Variants in COL12A1 observed in about 807,000 individuals in gnomAD.
COL12A1 encodes collagen alpha-1(XII) chain.
In COL12A1, 114 loss-of-function variants were observed where a neutral mutation model predicts 349.7. That is an observed-to-expected ratio of 0.33 (90% confidence interval 0.28 to 0.38). COL12A1 has a LOEUF of 0.38. COL12A1 is among the 10% of genes least tolerant of loss of function. COL12A1 has a pLI of 1.00. For missense variants in COL12A1, 3,284 were observed against 3,756.9 expected, an observed-to-expected ratio of 0.87 and a Z score of 3.29; for synonymous variants, 1,369 against 1,329.0, an observed-to-expected ratio of 1.03 and a Z score of -0.66.
At chr6:75,135,427 G>T (rs1766554806) in intron 31 of COL12A1, among the ~76,000 whole-genome samples, 1 of 152,176 alleles carries the variant, frequency 6.6e-6, no homozygotes, top group Non-Finnish European at 1.5e-5. Flanking sequence ...GGGGTTTCCA[G>T]TTGTCTCCAT....
chr6:75,191,859 T>A, intron 4 of COL12A1, 99 bp from the exon 5 acceptor site: 2 of 678,270 alleles, frequency 2.9e-6, no homozygotes, highest in Non-Finnish European at 4.4e-6. Context: ...TTATTGTCTC[T>A]TAAATGTATG....
At chr6:75,160,505 G>A (rs1266941066) in intron 14 of COL12A1, among the ~76,000 whole-genome samples, 3 of 152,168 alleles carry the variant, frequency 2.0e-5, no homozygotes, top group African/African-American at 7.2e-5. Context: ...ATCTCACTCA[G>A]ATTTCTGAAA....
Position 75,124,473 on chromosome 6 carries a change from A to T in COL12A1, c.6608-102T>A. ...CAAACTTTCACTGTGGCTAAAAAAA[A>T]GTTCAAAATTGTATTATGTTTCCTT... is the stretch of plus-strand genomic sequence containing the variant. On this transcript the variant is annotated intron_variant, in intron 40 of 65. Transcript: ENST00000322507. 4.8e-6 allele frequency: 4 copies of T among 829,064 alleles called. No homozygotes were observed. In the South Asian group the frequency reaches 8.0e-5, roughly 17 times the overall value. 51.4% of individuals were successfully genotyped at this position (829,064 alleles called of 1,614,324 possible).
At chr6:75,124,926 TTCTCACCA>T (rs1383467942) in intron 40 of COL12A1, among the ~76,000 whole-genome samples, 193 bp downstream of exon 40, 1 of 152,160 alleles carries the variant, frequency 6.6e-6, no homozygotes, top group Non-Finnish European at 1.5e-5. Flanking sequence ...ATACACAAAT[TTCTCACCA>T]TATATATTTT....
rs1562178802 is a variant in COL12A1 at position 75,130,202 on chromosome 6, G to A, written c.6099C>T (p.Val2033=). The A allele has an allele frequency of 6.2e-7, 1 of 1,613,826 alleles. No individual in the cohort carries two copies. The highest frequency in any genetic ancestry group is 8.5e-7 in the Non-Finnish European group (1 of 1,179,970). Residue 2033 remains valine (V), a synonymous_variant, in exon 37 of 66, where the codon GTC becomes GTT. Transcript: ENST00000322507. Reference sequence around the variant, plus strand: ...AGAGGCTATTGGTTGTTTCACCAAAGACTCTCAGGTTCCTTGGTCCACTGC... The same window carrying A: ...AGAGGCTATTGGTTGTTTCACCAAAAACTCTCAGGTTCCTTGGTCCACTGC... The part of the protein sequence containing the change: ...LPRSGPRNLR[V]FGETTNSLSV...
intron 14 of COL12A1, among the ~76,000 whole-genome samples, chr6:75,160,081 T>C (rs1483137696): frequency 1.3e-5 from 2 of 151,896 alleles, no homozygotes; most frequent in African/African-American, 2.4e-5. Context: ...CCCTTGTTGG[T>C]TTCCCATAAC....
chr6:75,144,805 T>C (rs1371420285), intron 25 of COL12A1, among the ~76,000 whole-genome samples: 1 of 152,214 alleles, frequency 6.6e-6, no homozygotes, highest in Non-Finnish European at 1.5e-5. Flanking sequence ...AGGGGATCAA[T>C]ATATCTTTGC....
intron 46 of COL12A1, among the ~76,000 whole-genome samples, chr6:75,118,820 T>C (rs1403649099): frequency 6.6e-6 from 1 of 152,188 alleles, no homozygotes; most frequent in African/African-American, 2.4e-5. Flanking sequence ...GTTTGCCCCT[T>C]GTCAATCCTG....
At chr6:75,128,692 T>C (rs951783733) in intron 37 of COL12A1, among the ~76,000 whole-genome samples, 5 of 152,180 alleles carry the variant, frequency 3.3e-5, no homozygotes, top group African/African-American at 7.2e-5. Flanking sequence ...GAAAACTGTA[T>C]TAAAAGCAAT....
chr6:75,142,052 A>C lies in COL12A1; in HGVS notation c.4937T>G (p.Val1646Gly). The C allele has an allele frequency of 6.2e-7, 1 of 1,614,112 alleles. No individual in the cohort carries two copies. The highest frequency in any genetic ancestry group is 1.1e-5 in the South Asian group (1 of 91,082). Residue 1646 changes from valine to glycine, a missense_variant, in exon 27 of 66, where the codon GTG becomes GGG. This residue lies in a region of COL12A1 where 2,601 missense variants were observed against 2,824.8 expected (regional missense o/e 0.92). Coordinates refer to ENST00000322507, the MANE Select transcript of COL12A1 (RefSeq NM_004370.6). Reference protein sequence around the residue: ...AVHDEGESPPVTAQETTRPVP... With the variant: ...AVHDEGESPPGTAQETTRPVP... ...CTCACGGGTAGTTTCTTGAGCAGTC[A>C]CTGGAGGAGACTCCCCCTCGTCATG...
intron 49 of COL12A1, among the ~76,000 whole-genome samples, chr6:75,115,316 A>G (rs1414611574): frequency 6.6e-6 from 1 of 152,162 alleles, no homozygotes; most frequent in Non-Finnish European, 1.5e-5. Flanking sequence ...CAGCTACACA[A>G]CAGATTGCTA....
At chr6:75,134,979 ACAGT>A in intron 31 of COL12A1, 124 bp from the exon 32 acceptor site, 1 of 983,258 alleles carries the variant, frequency 1.0e-6, no homozygotes, top group Non-Finnish European at 1.4e-6. Context: ...ATTACATACC[ACAGT>A]CAAGGTTTAA....
chr6:75,192,415 T>C, intron 3 of COL12A1, 60 bp from the exon 4 acceptor site: 1 of 1,425,472 alleles, frequency 7.0e-7, no homozygotes, highest in South Asian at 1.2e-5. Context: ...TATAACACAA[T>C]ACATTGTAAT....
chr6:75,114,207 G>T (rs1768968965), intron 49 of COL12A1, among the ~76,000 whole-genome samples: 1 of 151,648 alleles, frequency 6.6e-6, no homozygotes, highest in Non-Finnish European at 1.5e-5. Flanking sequence ...TCATAAAATG[G>T]CTTAAGGTTT....
At chr6:75,091,603 C>T (rs911010829) in intron 60 of COL12A1, 78 bp from the exon 61 acceptor site, 42 of 1,370,372 alleles carry the variant, frequency 3.1e-5, no homozygotes, top group South Asian at 1.8e-4. Flanking sequence ...TAATGATGAA[C>T]GAGAACAAGT....
intron 51 of COL12A1, among the ~76,000 whole-genome samples, chr6:75,111,673 A>T (rs61656115): frequency 0.11 from 16,539 of 151,866 alleles, 2,020 homozygotes; most frequent in African/African-American, 0.3. Context: ...ACATCTAAGA[A>T]CAGATAAAGA....
Position 75,165,639 on chromosome 6 carries a change from T to C in COL12A1, c.2851A>G (p.Lys951Glu), listed in dbSNP as rs1253194188. ...SLYDDVDTGE[K>E]NLPEDAIHTM... is the part of the protein sequence containing the mutation. Reference sequence around the variant, plus strand: ...TGAATTGCATCTTCAGGCAGATTTTTCTCTCCAGTGTCAACATCATCATAA... The same window carrying C: ...TGAATTGCATCTTCAGGCAGATTTTCCTCTCCAGTGTCAACATCATCATAA... The change falls in exon 14 of 66, where the codon AAA becomes GAA. Residue 951 changes from lysine to glutamate, a missense_variant. Around this residue, in one of 2 missense-constraint regions of COL12A1, gnomAD observed 2,601 missense variants for 2,824.8 expected, o/e 0.92. Transcript: ENST00000322507. 10 of 1,614,030 alleles carry C rather than the reference T, an allele frequency of 6.2e-6. No homozygotes were observed. Among genetic ancestry groups the C allele is most frequent in the Non-Finnish European group, 8.5e-6 (10 of 1,179,932 alleles).
At chr6:75,121,530 C>T in intron 43 of COL12A1, 89 bp from the exon 44 acceptor site, 4 of 1,366,396 alleles carry the variant, frequency 2.9e-6, no homozygotes, top group Non-Finnish European at 3.9e-6. Context: ...AATATAACAC[C>T]TTGCTACGCA....
At chr6:75,152,900 A>C (rs1033146202) in intron 17 of COL12A1, among the ~76,000 whole-genome samples, 2 of 152,150 alleles carry the variant, frequency 1.3e-5, no homozygotes, top group Non-Finnish European at 2.9e-5. Context: ...AAATCATTAG[A>C]TATTGCATTC....
Sources: gnomAD v4.1 joint callset for allele counts (sites outside exome capture counted in the v4.1 genomes callset) on GRCh38, gnomAD v4.1.1 for gene constraint, gnomAD v4.1.1 regional missense constraint, MANE v1.5 for transcripts, NCBI Gene and HGNC (gene_info 2026-07-23, HGNC 2026-07-21) for gene names.